Variants in ZMYM6 observed in about 807,000 individuals in gnomAD.
ZMYM6 encodes zinc finger MYM-type containing 6.
In ZMYM6, 90 loss-of-function variants were observed where a neutral mutation model predicts 134.0. That is an observed-to-expected ratio of 0.67 (90% CI 0.57 to 0.80). ZMYM6 has a LOEUF of 0.80. Ranked by LOEUF, ZMYM6 falls within the 30% of genes least tolerant of loss-of-function variation. The probability of loss-of-function intolerance (pLI) is 0.00; values close to 1 mark genes in which losing one functional copy is unlikely to be tolerated. For synonymous variants in ZMYM6, 481 were observed against 524.1 expected, an observed-to-expected ratio of 0.92 and a Z score of 1.12; for missense variants, 1,362 against 1,533.9, an observed-to-expected ratio of 0.89 and a Z score of 1.87.
At chr1:35,004,875 C>T (rs1012238139) in intron 13 of ZMYM6, among the ~76,000 whole-genome samples, 3 of 151,832 alleles carry the variant, frequency 2.0e-5, no homozygotes, top group African/African-American at 7.3e-5. Flanking sequence ...CTAGCCAACA[C>T]GGTGAAATCC....
chr1:35,026,270 C>G (rs1293768091), intron 2 of ZMYM6, among the ~76,000 whole-genome samples: 2 of 152,196 alleles, frequency 1.3e-5, no homozygotes, highest in African/African-American at 2.4e-5. Flanking sequence ...ATCTGCCCAC[C>G]TCAGCCTCCC....
At chr1:34,998,622 G>C (rs1377473051) in intron 14 of ZMYM6, among the ~76,000 whole-genome samples, 1 of 151,862 alleles carries the variant, frequency 6.6e-6, no homozygotes, top group Non-Finnish European at 1.5e-5. Context: ...TAATGGAGGT[G>C]GTAAGAAGTA....
Position 35,011,992 on chromosome 1 carries a change from TGAAACCTG to T in ZMYM6, c.952_959del (p.Gln318MetfsTer3). On this transcript the variant is annotated frameshift_variant, in exon 8 of 16. Transcript: ENST00000357182. LOFTEE classifies it high-confidence loss of function. ...TTGCTGAGGTTTTACAACTATGACATGAAACCTGGACACCTTGGTGACAAAAAATTAAA... is the reference window on the plus strand; with the variant it reads ...TTGCTGAGGTTTTACAACTATGACATGACACCTTGGTGACAAAAAATTAAA... The T allele has an allele frequency of 6.2e-7, 1 of 1,603,220 alleles. No individual in the cohort carries two copies. Among genetic ancestry groups the T allele is most frequent in the Non-Finnish European group, 8.5e-7 (1 of 1,173,662 alleles).
Position 35,008,617 on chromosome 1 carries a change from T to C in ZMYM6, c.1665+135A>G. ...TTTCCTGTTTATATTCAATTGAATT[T>C]TTCTATTATAGCCCATAACTTATTT... On this transcript the variant is annotated intron_variant, in intron 11 of 15. Coordinates refer to ENST00000357182, the MANE Select transcript of ZMYM6 (RefSeq NM_007167.4). 3.8e-6 allele frequency: 3 copies of C among 788,018 alleles called. No individual in the cohort carries two copies. In the South Asian group the frequency reaches 7.9e-5, roughly 21 times the overall value. 48.8% of individuals were successfully genotyped at this position (788,018 alleles called of 1,614,324 possible).
chr1:34,989,216 T>A, intron 15 of ZMYM6: 1 of 1,154,576 alleles, frequency 8.7e-7, no homozygotes, highest in Non-Finnish European at 1.1e-6. Context: ...AAATTAGGGC[T>A]GAAGACCATG....
At chr1:35,000,979 T>C (rs1640870384) in intron 14 of ZMYM6, among the ~76,000 whole-genome samples, 1 of 152,162 alleles carries the variant, frequency 6.6e-6, no homozygotes, top group African/African-American at 2.4e-5. Context: ...GTAAATAAAA[T>C]TTTACTGGAA....
chr1:35,025,903 T>C lies in ZMYM6; in HGVS notation c.93+4644A>G, dbSNP rs1365918488. On this transcript the variant is annotated intron_variant, in intron 2 of 15. Transcript: ENST00000357182. The stretch of plus-strand genomic sequence containing the variant: ...TTAACTGAGGGTTGTGAGCATCGAA[T>C]GGATTAAGGTATGTAAACTGCTCAC... Among the ~76,000 whole-genome samples, 4 of 152,144 alleles carry C rather than the reference T, an allele frequency of 2.6e-5. No individual in the cohort carries two copies. In the East Asian group the frequency reaches 5.8e-4, roughly 22 times the overall value.
chr1:35,014,816 A>G lies in ZMYM6; in HGVS notation c.676T>C (p.Ser226Pro), dbSNP rs146590398. The G allele has an allele frequency of 8.1e-6, 13 of 1,614,106 alleles. No individual in the cohort carries two copies. Among genetic ancestry groups the G allele is most frequent in the Non-Finnish European group, 1.1e-5 (13 of 1,180,050 alleles). ...CSDACFSKFH[S>P]TNNLTMNCCE... is the part of the protein sequence containing the mutation. ...CAGTTCATGGTGAGGTTGTTTGTAG[A>G]GTGAAATTTTGAAAAACAGGCATCA... The change falls in exon 6 of 16, where the codon TCT (serine) becomes CCT (proline). Residue 226 changes from serine to proline, a missense_variant. Around this residue, in one of 3 missense-constraint regions of ZMYM6, gnomAD observed 503 missense variants for 520.8 expected, o/e 0.97. Coordinates refer to ENST00000357182, the MANE Select transcript of ZMYM6 (RefSeq NM_007167.4).
rs1299167474 is a variant in ZMYM6, at chr1:35,011,178, T to A, written c.1063-142A>T. The A allele has an allele frequency of 9.0e-6, 8 of 890,844 alleles. No individual in the cohort carries two copies. The East Asian group carries it at 2.2e-4, about 24-fold the overall frequency. The allele number at this position is 890,844 out of a possible 1,614,324, so 55.2% of individuals were successfully genotyped here. On this transcript the variant is annotated intron_variant, in intron 8 of 15. Coordinates refer to ENST00000357182, the MANE Select transcript of ZMYM6 (RefSeq NM_007167.4). Reference sequence around the variant, plus strand: ...TATCTCACAGAAAGAGTTTAAATGGTATATTTCCAGAATAAAAGGACTGAG... The same window carrying A: ...TATCTCACAGAAAGAGTTTAAATGGAATATTTCCAGAATAAAAGGACTGAG...
intron 6 of ZMYM6, chr1:35,012,878 GAGA>G (rs1641110880): frequency 1.0e-6 from 1 of 985,316 alleles, no homozygotes; most frequent in African/African-American, 1.7e-5. Flanking sequence ...CCAATAACCA[GAGA>G]AGACCAGCTA....
intron 2 of ZMYM6, among the ~76,000 whole-genome samples, chr1:35,022,342 C>G (rs1007371957): frequency 1.3e-5 from 2 of 152,108 alleles, no homozygotes; most frequent in Non-Finnish European, 2.9e-5. Flanking sequence ...GCCATCTCGG[C>G]TCACTGCAAC....
At chr1:35,003,861 C>T in intron 14 of ZMYM6, 107 bp downstream of exon 14, 1 of 966,610 alleles carries the variant, frequency 1.0e-6, no homozygotes, top group Non-Finnish European at 1.6e-6. Context: ...TGACTAGGAC[C>T]CTCTTCCAGC....
intron 14 of ZMYM6, among the ~76,000 whole-genome samples, chr1:34,996,702 GT>G (rs1421661809): frequency 1.3e-5 from 2 of 152,116 alleles, no homozygotes; most frequent in African/African-American, 4.8e-5. Context: ...TTTAACAACT[GT>G]GTAATATTCC....
At chr1:35,006,400 T>C (rs1640967883) in intron 12 of ZMYM6, among the ~76,000 whole-genome samples, 1 of 152,224 alleles carries the variant, frequency 6.6e-6, no homozygotes, top group Non-Finnish European at 1.5e-5. Flanking sequence ...CTGGATATTC[T>C]GACCATATTA....
intron 4 of ZMYM6, chr1:35,018,406 C>G (rs149223869): frequency 1.3e-5 from 2 of 151,782 alleles, no homozygotes; most frequent in African/African-American, 4.8e-5. Flanking sequence ...AGACACAAAG[C>G]AGATAAACAC....
Position 34,986,941 on chromosome 1 carries a change from T to C in ZMYM6, c.*163A>G, listed in dbSNP as rs554779850. On this transcript the variant is annotated 3_prime_UTR_variant, in exon 16 of 16. Transcript: ENST00000357182. ...CTAGATTATAATTATACATAATTAT[T>C]TATAACAATCATAATTATTAAATTC... 75 of 437,324 alleles carry C rather than the reference T, an allele frequency of 1.7e-4. No individual in the cohort carries two copies. The highest frequency in any genetic ancestry group is 2.8e-4 in the Non-Finnish European group (73 of 262,668). The allele number at this position is 437,324 out of a possible 1,614,324, so 27.1% of individuals were successfully genotyped here. A position where few individuals can be genotyped will look rare whatever the true frequency, so the allele number is the denominator to read the frequency against.
At position 35,025,466 on chromosome 1, in the gene ZMYM6, CAAAAAAA is replaced by C. The variant is rs1161814959; in HGVS notation, c.94-5006_94-5000del. Among the ~76,000 whole-genome samples, 35 of 55,008 alleles carry C rather than the reference CAAAAAAA, an allele frequency of 6.4e-4. No individual in the cohort carries two copies. The South Asian group carries it at 0.018, about 28-fold the overall frequency. 36.1% of individuals were successfully genotyped at this position (55,008 alleles called of 152,430 possible). A position where few individuals can be genotyped will look rare whatever the true frequency, so the allele number is the denominator to read the frequency against. On this transcript the variant is annotated intron_variant, in intron 2 of 15. Coordinates refer to ENST00000357182, the MANE Select transcript of ZMYM6 (RefSeq NM_007167.4). The stretch of plus-strand genomic sequence containing the variant: ...TGGGCTACAAAGCAAGACTCCATCC[CAAAAAAA>C]AAAAAAAAAAAAAAAGAAAGAAAAA...
intron 2 of ZMYM6, among the ~76,000 whole-genome samples, chr1:35,028,260 G>A (rs1641450830): frequency 6.7e-6 from 1 of 149,674 alleles, no homozygotes; most frequent in Non-Finnish European, 1.5e-5. Context: ...AGGTTGCAGT[G>A]AGCCAAGATC....
rs746462186 is a variant in ZMYM6, at chr1:35,019,652, C to T, written c.179-50G>A. The T allele has an allele frequency of 1.5e-5, 22 of 1,510,532 alleles. No individual in the cohort carries two copies. In the South Asian group the frequency reaches 3.0e-4, roughly 21 times the overall value. 93.6% of individuals were successfully genotyped at this position (1,510,532 alleles called of 1,614,324 possible). Reference sequence around the variant, plus strand: ...TTTAGTATCAATACTAATGCATATACAGTCTCAGTCTCTCTCTCTCTCTCT... The same window carrying T: ...TTTAGTATCAATACTAATGCATATATAGTCTCAGTCTCTCTCTCTCTCTCT... On this transcript the variant is annotated intron_variant, in intron 3 of 15. Transcript: ENST00000357182.
Sources: gnomAD v4.1 joint callset for allele counts (sites outside exome capture counted in the v4.1 genomes callset) on GRCh38, gnomAD v4.1.1 for gene constraint, gnomAD v4.1.1 regional missense constraint, MANE v1.5 for transcripts, NCBI Gene and HGNC (gene_info 2026-07-23, HGNC 2026-07-21) for gene names.